ATF7IP: variants seen among roughly 807,000 people sequenced by gnomAD.
ATF7IP encodes the protein activating transcription factor 7 interacting protein, also known as activating transcription factor 7-interacting protein 1.
Under a neutral mutation model 106.4 loss-of-function variants are expected in ATF7IP, and 23 were observed. The observed-to-expected ratio is 0.22, with a 90% CI of 0.16 to 0.31. The LOEUF (loss-of-function observed/expected upper bound fraction) is 0.31, where lower values mean the gene tolerates loss of function less well. Among genes scored for constraint, ATF7IP ranks in the 10% least tolerant of loss-of-function variants. The probability of loss-of-function intolerance (pLI) is 1.00; values close to 1 mark genes in which losing one functional copy is unlikely to be tolerated. For synonymous variants in ATF7IP, 542 were observed against 539.0 expected, an observed-to-expected ratio of 1.01 and a Z score of -0.08; for missense variants, 1,334 against 1,524.3, an observed-to-expected ratio of 0.88 and a Z score of 2.08.
At chr12:14,486,602 AT>A (rs1944624329) in intron 13 of ATF7IP, among the ~76,000 whole-genome samples, 1 of 152,196 alleles carries the variant, frequency 6.6e-6, no homozygotes, top group Non-Finnish European at 1.5e-5. Context: ...TTAAGTAGGA[AT>A]GCAGTAGGCT....
chr12:14,493,496 C>CTTT (rs1944897874), intron 13 of ATF7IP, among the ~76,000 whole-genome samples: 2 of 152,244 alleles, frequency 1.3e-5, no homozygotes, highest in East Asian at 3.9e-4. Flanking sequence ...ATATCACAGG[C>CTTT]TTTATTTCTT....
chr12:14,449,854 G>A (rs1298217052), intron 6 of ATF7IP, among the ~76,000 whole-genome samples: 2 of 151,838 alleles, frequency 1.3e-5, no homozygotes, highest in Non-Finnish European at 2.9e-5. Context: ...ACTTATTTGT[G>A]TCTTTAAACT....
chr12:14,464,345 G>A (rs115989793), intron 9 of ATF7IP, among the ~76,000 whole-genome samples: 71 of 152,174 alleles, frequency 4.7e-4, no homozygotes, highest in Non-Finnish European at 5.0e-4. Flanking sequence ...ACAAACAAAC[G>A]AGAGTTTAAA....
chr12:14,472,761 A>C (rs1463842753), intron 10 of ATF7IP, among the ~76,000 whole-genome samples: 5 of 152,134 alleles, frequency 3.3e-5, no homozygotes, highest in Admixed American at 2.0e-4. Context: ...TGGCATATTT[A>C]AACCTCTAGT....
In ATF7IP at chr12:14,501,739, A is replaced by C. The variant is rs1381459225; in HGVS notation, c.*3666A>C. 2 of 152,194 alleles carry C rather than the reference A, an allele frequency of 1.3e-5. No homozygotes were observed. The highest frequency in any genetic ancestry group is 4.8e-5 in the African/African-American group (2 of 41,446). 9.4% of individuals were successfully genotyped at this position (152,194 alleles called of 1,614,324 possible). ...ATAAATATTTTGAGAAAAGTGACCT[A>C]AAACAGCTGAAATCTTAGGTGCATC... On this transcript the variant is annotated 3_prime_UTR_variant, in exon 15 of 15. Coordinates refer to ENST00000261168, the MANE Select transcript of ATF7IP (RefSeq NM_018179.5).
intron 1 of ATF7IP, among the ~76,000 whole-genome samples, chr12:14,422,796 C>T (rs1375666380): frequency 6.6e-6 from 1 of 152,114 alleles, no homozygotes; most frequent in Non-Finnish European, 1.5e-5. Flanking sequence ...ATCCATTCAT[C>T]AGTTATGGAA....
At chr12:14,434,215 T>G in intron 2 of ATF7IP, 122 bp from the exon 3 acceptor site, 4 of 612,468 alleles carry the variant, frequency 6.5e-6, no homozygotes, top group Non-Finnish European at 8.5e-6. Context: ...AAATTTTACA[T>G]TTTGGGACTC....
chr12:14,398,300 T>A (rs1404427653), intron 1 of ATF7IP, among the ~76,000 whole-genome samples: 1 of 151,998 alleles, frequency 6.6e-6, no homozygotes, highest in Non-Finnish European at 1.5e-5. Context: ...AGTTTTAATC[T>A]GAATATCATT....
intron 2 of ATF7IP, among the ~76,000 whole-genome samples, chr12:14,431,490 G>A (rs1386497185): frequency 1.3e-5 from 2 of 151,900 alleles, no homozygotes; most frequent in Non-Finnish European, 2.9e-5. Context: ...CGCCTCCCGG[G>A]TTCAAGCGAC....
At chr12:14,402,043 C>T (rs1940246056) in intron 1 of ATF7IP, among the ~76,000 whole-genome samples, 1 of 150,548 alleles carries the variant, frequency 6.6e-6, no homozygotes, top group African/African-American at 2.4e-5. Flanking sequence ...AGTCATGCTA[C>T]AAAATATCTA....
At chr12:14,449,587 A>C (rs1943117453) in intron 6 of ATF7IP, among the ~76,000 whole-genome samples, 1 of 111,602 alleles carries the variant, frequency 9.0e-6, no homozygotes, top group African/African-American at 3.5e-5. Flanking sequence ...CCCCTTGGCT[A>C]ACTTAGCCTA....
intron 1 of ATF7IP, 48 bp from the exon 2 acceptor site, chr12:14,423,861 G>T (rs1293474742): frequency 1.3e-6 from 2 of 1,520,750 alleles, no homozygotes; most frequent in Non-Finnish European, 1.8e-6. Context: ...CTACAATTAG[G>T]TGGCTTCTGT....
At chr12:14,447,423 A>C (rs1458631189) in intron 6 of ATF7IP, among the ~76,000 whole-genome samples, 2 of 151,698 alleles carry the variant, frequency 1.3e-5, no homozygotes, top group Non-Finnish European at 2.9e-5. Context: ...CTGGGATTAC[A>C]GGTGCCCACC....
rs76715469 is a variant in ATF7IP at position 14,488,114 on chromosome 12, C to T, written c.3280+6929C>T. On this transcript the variant is annotated intron_variant, in intron 13 of 14. Transcript: ENST00000261168. ...ATGAAAGAACTCCATCCTTAATATT[C>T]GGTTCTTCTAGACCCCCAATCCTGG... Among the ~76,000 whole-genome samples the T allele has an allele frequency of 4.7e-3, 711 of 152,176 alleles. 4 individuals carry two copies. Among genetic ancestry groups the T allele is most frequent in the African/African-American group, 0.015 (638 of 41,512 alleles).
intron 13 of ATF7IP, chr12:14,481,721 G>A: frequency 3.1e-6 from 1 of 322,644 alleles, no homozygotes; most frequent in South Asian, 2.5e-5. Context: ...ATTTGATATT[G>A]GTATATTCTC....
At chr12:14,406,987 A>G (rs980111821) in intron 1 of ATF7IP, among the ~76,000 whole-genome samples, 24 of 152,146 alleles carry the variant, frequency 1.6e-4, no homozygotes, top group African/African-American at 5.1e-4. Context: ...TACTCGTATA[A>G]TTTTTACCCT....
At chr12:14,414,335 A>G (rs1231201037) in intron 1 of ATF7IP, among the ~76,000 whole-genome samples, 1 of 152,206 alleles carries the variant, frequency 6.6e-6, no homozygotes, top group Non-Finnish European at 1.5e-5. Flanking sequence ...AATGAAAGTA[A>G]TGTACACCAT....
intron 6 of ATF7IP, among the ~76,000 whole-genome samples, chr12:14,455,374 G>A (rs1448535956): frequency 1.3e-5 from 2 of 151,896 alleles, no homozygotes; most frequent in Admixed American, 6.6e-5. Flanking sequence ...TAATTCTATT[G>A]TTTTTCCCTC....
intron 13 of ATF7IP, among the ~76,000 whole-genome samples, chr12:14,486,727 C>T (rs368809343): frequency 6.6e-5 from 10 of 152,324 alleles, no homozygotes; most frequent in East Asian, 1.9e-4. Context: ...ACGGTAGCTA[C>T]GCCCACCTTG....
Sources: allele counts gnomAD v4.1 joint callset (sites outside exome capture counted in the v4.1 genomes callset), GRCh38; gene constraint gnomAD v4.1.1; transcripts MANE v1.5; gene names NCBI Gene and HGNC (gene_info 2026-07-23, HGNC 2026-07-21).